Variants in RBFOX1 observed in about 807,000 individuals in gnomAD.
RBFOX1 encodes the protein RNA binding protein fox-1 homolog 1.
In RBFOX1, 8 loss-of-function variants were observed where a neutral mutation model predicts 57.7. That is an observed-to-expected ratio of 0.14 (90% CI 0.08 to 0.25). The LOEUF (loss-of-function observed/expected upper bound fraction) is 0.25. Ranked by LOEUF, RBFOX1 falls within the 10% of genes least tolerant of loss-of-function variation. The pLI, the probability that RBFOX1 is intolerant of heterozygous loss-of-function variation, is 1.00. For missense variants in RBFOX1, 611 were observed against 548.5 expected (o/e 1.11, Z -1.14); for synonymous variants, 326 against 222.4 (o/e 1.47, Z -4.15).
intron 1 of RBFOX1, among the ~76,000 whole-genome samples, chr16:6,133,743 C>T (rs2096646355): frequency 6.6e-6 from 1 of 152,064 alleles, no homozygotes; most frequent in Non-Finnish European, 1.5e-5. Flanking sequence ...AGATTTATTC[C>T]TTACAGTTGC....
chr16:6,969,071 G>T (rs997048762), intron 3 of RBFOX1, among the ~76,000 whole-genome samples: 1 of 152,064 alleles, frequency 6.6e-6, no homozygotes, highest in African/African-American at 2.4e-5. Context: ...GAGGTGTCAA[G>T]AGCACTTACA....
intron 2 of RBFOX1, among the ~76,000 whole-genome samples, chr16:6,477,766 G>C (rs1239416638): frequency 1.3e-5 from 2 of 152,190 alleles, no homozygotes; most frequent in African/African-American, 4.8e-5. Context: ...TCCAAGAGAA[G>C]ACTGTTTTGT....
chr16:5,521,789 A>G (rs902972837), intron 2 of RBFOX1, among the ~76,000 whole-genome samples: 33 of 152,216 alleles, frequency 2.2e-4, no homozygotes, highest in African/African-American at 7.7e-4. Flanking sequence ...CTGCACTGCA[A>G]TGCTATTCTT....
intron 3 of RBFOX1, among the ~76,000 whole-genome samples, chr16:5,690,205 A>T (rs1441333852): frequency 6.6e-6 from 1 of 152,248 alleles, no homozygotes; most frequent in African/African-American, 2.4e-5. Flanking sequence ...GAAAGGGCAT[A>T]CATTGAAGAC....
chr16:7,641,464 T>C (rs1027178351), intron 11 of RBFOX1, among the ~76,000 whole-genome samples: 2 of 152,208 alleles, frequency 1.3e-5, no homozygotes, highest in African/African-American at 2.4e-5. Context: ...GAAAATGCAG[T>C]TTCAGAACCA....
rs1266313413 is a variant in RBFOX1 at position 7,687,190 on chromosome 16, G to A, written c.995+10352G>A. ...TTTGCCACAGTGTATTGAAGTACAC[G>A]TGACAACACTAAACTGAATAAAAGT... is the stretch of plus-strand genomic sequence containing the variant. On this transcript the variant is annotated intron_variant, in intron 14 of 15. Coordinates refer to ENST00000550418, the MANE Select transcript of RBFOX1 (RefSeq NM_018723.4). 1.3e-5 allele frequency among the ~76,000 whole-genome samples: 2 copies of A among 152,144 alleles called. 1 individual carries two copies. Among genetic ancestry groups the A allele is most frequent in the Admixed American group, 1.3e-4 (2 of 15,272 alleles).
intron 6 of RBFOX1, among the ~76,000 whole-genome samples, chr16:7,585,833 T>C (rs1489073604): frequency 6.6e-6 from 1 of 152,186 alleles, no homozygotes; most frequent in Admixed American, 6.6e-5. Context: ...TGTCTCTGGA[T>C]ACTCTATGAC....
chr16:7,131,804 T>C (rs981572868), intron 4 of RBFOX1, among the ~76,000 whole-genome samples: 6 of 152,044 alleles, frequency 3.9e-5, no homozygotes, highest in African/African-American at 1.4e-4. Context: ...CCTGTGAATA[T>C]TGGGATACAT....
intron 1 of RBFOX1, among the ~76,000 whole-genome samples, chr16:5,253,295 AC>A (rs2062502544): frequency 6.6e-6 from 1 of 152,078 alleles, no homozygotes; most frequent in Admixed American, 6.6e-5. Context: ...GACTAGAGGC[AC>A]CCACAACCAC....
At chr16:5,767,653 C>G (rs1306919241) in intron 3 of RBFOX1, among the ~76,000 whole-genome samples, 1 of 152,118 alleles carries the variant, frequency 6.6e-6, no homozygotes, top group South Asian at 2.1e-4. Context: ...TTGATGTCTT[C>G]CCCTTGGTAT....
At chr16:5,293,245 C>T (rs552090166) in intron 1 of RBFOX1, among the ~76,000 whole-genome samples, 2 of 152,222 alleles carry the variant, frequency 1.3e-5, no homozygotes, top group South Asian at 2.1e-4. Context: ...TCGCTTGAAC[C>T]TGGGAGGTGG....
chr16:6,083,348 C>T (rs1233866457), intron 1 of RBFOX1, among the ~76,000 whole-genome samples: 1 of 152,142 alleles, frequency 6.6e-6, no homozygotes, highest in Non-Finnish European at 1.5e-5. Context: ...TAGCTGTAGT[C>T]ACAGACATTT....
At chr16:6,682,379 G>C (rs1042382723) in intron 3 of RBFOX1, among the ~76,000 whole-genome samples, 3 of 152,070 alleles carry the variant, frequency 2.0e-5, no homozygotes, top group South Asian at 2.1e-4. Context: ...CTTCGAAGCC[G>C]ATTGCCCCTT....
chr16:5,333,038 A>T (rs1306987585), intron 1 of RBFOX1, among the ~76,000 whole-genome samples: 2 of 152,122 alleles, frequency 1.3e-5, no homozygotes, highest in Non-Finnish European at 2.9e-5. Context: ...ATACAAAAAA[A>T]TTAGCCGGGT....
At chr16:5,304,892 G>A (rs1443586587) in intron 1 of RBFOX1, among the ~76,000 whole-genome samples, 2 of 152,058 alleles carry the variant, frequency 1.3e-5, no homozygotes, top group Non-Finnish European at 2.9e-5. Flanking sequence ...CCTATTCCCT[G>A]CGAATTTGAA....
chr16:6,263,901 C>T (rs543262184), intron 1 of RBFOX1, among the ~76,000 whole-genome samples: 3 of 152,278 alleles, frequency 2.0e-5, no homozygotes, highest in Non-Finnish European at 2.9e-5. Context: ...CCAGCAACAT[C>T]CACTATTACA....
At chr16:7,126,519 A>C (rs1191708518) in intron 4 of RBFOX1, 1 of 220,046 alleles carries the variant, frequency 4.5e-6, no homozygotes, top group East Asian at 1.1e-4. Context: ...TATGTTTTGA[A>C]TACAAATTTC....
intron 4 of RBFOX1, among the ~76,000 whole-genome samples, chr16:7,349,029 G>A (rs183318414): frequency 3.3e-5 from 5 of 152,268 alleles, no homozygotes; most frequent in Admixed American, 2.6e-4. Flanking sequence ...AGATTTTCTT[G>A]TAAATTTCTT....
rs996002538 is a variant in RBFOX1 at position 6,970,209 on chromosome 16, C to T, written c.-15-81848C>T. Among the ~76,000 whole-genome samples, 5 of 151,742 alleles carry T rather than the reference C, an allele frequency of 3.3e-5. No homozygotes were observed. The East Asian group carries it at 7.7e-4, about 23-fold the overall frequency. Reference sequence around the variant, plus strand: ...AATAAAAAAGAAAGAAACAAAAAACCCCAAAATCAAAAACCCATGAAAAAC... The same window carrying T: ...AATAAAAAAGAAAGAAACAAAAAACTCCAAAATCAAAAACCCATGAAAAAC... On this transcript the variant is annotated intron_variant, in intron 3 of 15. Transcript: ENST00000550418.
Sources: gnomAD v4.1 joint callset for allele counts (sites outside exome capture counted in the v4.1 genomes callset) on GRCh38, gnomAD v4.1.1 for gene constraint, MANE v1.5 for transcripts, NCBI Gene and HGNC (gene_info 2026-07-23, HGNC 2026-07-21) for gene names.